RNGTT: variants seen among roughly 807,000 people sequenced by gnomAD.
RNGTT encodes the protein RNA guanylyltransferase and 5'-phosphatase, also known as mRNA-capping enzyme.
Under a neutral mutation model 79.3 loss-of-function variants are expected in RNGTT, and 33 were observed. That is an observed-to-expected ratio of 0.42 (90% CI 0.32 to 0.56). RNGTT has a LOEUF of 0.56. Among genes scored for constraint, RNGTT ranks in the 20% least tolerant of loss-of-function variants. RNGTT has a pLI of 0.17. For synonymous variants in RNGTT, 222 were observed against 235.9 expected (o/e 0.94, Z 0.54); for missense variants, 497 against 739.1 (o/e 0.67, Z 3.80).
chr6:88,700,831 A>C (rs143566092), intron 13 of RNGTT, among the ~76,000 whole-genome samples: 128 of 152,284 alleles, frequency 8.4e-4, no homozygotes, highest in East Asian at 2.9e-3. Flanking sequence ...CTTATTTCAC[A>C]AAGATGTTTT....
chr6:88,672,451 G>A (rs1055413570), intron 14 of RNGTT, among the ~76,000 whole-genome samples: 17 of 152,186 alleles, frequency 1.1e-4, no homozygotes, highest in Admixed American at 4.6e-4. Context: ...AAGTAACTCA[G>A]GAATGGAAAA....
intron 13 of RNGTT, among the ~76,000 whole-genome samples, chr6:88,721,419 G>T (rs1582381033): frequency 6.6e-6 from 1 of 151,192 alleles, no homozygotes; most frequent in Non-Finnish European, 1.5e-5. Context: ...CTAATTTTTT[G>T]TTTGTTTTTG....
intron 14 of RNGTT, among the ~76,000 whole-genome samples, chr6:88,642,685 C>A (rs1161862077): frequency 1.3e-5 from 2 of 152,048 alleles, no homozygotes; most frequent in Non-Finnish European, 2.9e-5. Context: ...GAATTTATGA[C>A]CATGGGCAAG....
chr6:88,940,015 C>G (rs1784796532), intron 2 of RNGTT, among the ~76,000 whole-genome samples: 1 of 151,874 alleles, frequency 6.6e-6, no homozygotes, highest in Non-Finnish European at 1.5e-5. Flanking sequence ...GCCTCAGTCT[C>G]CCAAAGTGCT....
chr6:88,691,640 A>G (rs1210192037), intron 13 of RNGTT, among the ~76,000 whole-genome samples: 1 of 152,208 alleles, frequency 6.6e-6, no homozygotes, highest in Non-Finnish European at 1.5e-5. Flanking sequence ...GATGCTGGCA[A>G]TATTATTTTT....
chr6:88,824,267 A>AT (rs1472730690), intron 11 of RNGTT, among the ~76,000 whole-genome samples: 2 of 152,224 alleles, frequency 1.3e-5, no homozygotes, highest in African/African-American at 4.8e-5. Context: ...TATACAGCCT[A>AT]TTGCTCCTAG....
At chr6:88,755,446 TC>T (rs908071768) in intron 13 of RNGTT, among the ~76,000 whole-genome samples, 2 of 151,722 alleles carry the variant, frequency 1.3e-5, no homozygotes, top group African/African-American at 4.8e-5. Context: ...TAAGAGAAAT[TC>T]ATAAAACAAA....
chr6:88,927,085 G>C (rs1011095294), intron 4 of RNGTT, among the ~76,000 whole-genome samples: 2 of 152,026 alleles, frequency 1.3e-5, no homozygotes, highest in African/African-American at 4.8e-5. Flanking sequence ...ATGAAAAAAA[G>C]TTTTAAAATA....
At chr6:88,898,686 T>TTATA (rs143238215) in intron 6 of RNGTT, among the ~76,000 whole-genome samples, 3 of 150,296 alleles carry the variant, frequency 2.0e-5, no homozygotes, top group African/African-American at 7.3e-5. Context: ...TATATATATA[T>TTATA]TATATATATG....
chr6:88,615,496 G>A (rs1772184256), intron 14 of RNGTT, among the ~76,000 whole-genome samples: 1 of 152,062 alleles, frequency 6.6e-6, no homozygotes, highest in East Asian at 1.9e-4. Context: ...AACTAGACAT[G>A]CCCAAAAAAG....
intron 14 of RNGTT, among the ~76,000 whole-genome samples, chr6:88,615,238 ATATGG>A (rs1307691419): frequency 2.0e-5 from 3 of 152,210 alleles, no homozygotes; most frequent in Non-Finnish European, 1.5e-5. Flanking sequence ...TTTCCTCACA[ATATGG>A]TAGACTGCAA....
At position 88,847,052 on chromosome 6, in the gene RNGTT, A is replaced by G. The variant is rs113120956; in HGVS notation, c.1105-2531T>C. Reference sequence around the variant, plus strand: ...TCCAATCTAAACACATATCCTAACAAATACATTAAAAAATGCCTGTTTTTT... The same window carrying G: ...TCCAATCTAAACACATATCCTAACAGATACATTAAAAAATGCCTGTTTTTT... On this transcript the variant is annotated intron_variant, in intron 10 of 15. Coordinates refer to ENST00000369485, the MANE Select transcript of RNGTT (RefSeq NM_003800.5). Among the ~76,000 whole-genome samples the G allele has an allele frequency of 3.1e-3, 471 of 152,360 alleles. 9 individuals are homozygous for G. Among genetic ancestry groups the G allele is most frequent in the African/African-American group, 0.011 (456 of 41,578 alleles).
intron 14 of RNGTT, among the ~76,000 whole-genome samples, chr6:88,634,059 G>C (rs1261848033): frequency 2.6e-5 from 4 of 152,034 alleles, no homozygotes; most frequent in Non-Finnish European, 5.9e-5. Flanking sequence ...TATCAATATT[G>C]TTTATGATAG....
chr6:88,804,081 T>A (rs1051999403), intron 11 of RNGTT, among the ~76,000 whole-genome samples: 1 of 152,172 alleles, frequency 6.6e-6, no homozygotes, highest in East Asian at 1.9e-4. Context: ...GTACTTAACA[T>A]ATCATTCAAA....
In RNGTT at chr6:88,647,548, C is replaced by T. The variant is rs6924836; in HGVS notation, c.1506+30805G>A. ...CCAGCCTGGGCAACATAGGGAGGTC[C>T]TGTCTCTATAAAAATTAGCTGGGCA... On this transcript the variant is annotated intron_variant, in intron 14 of 15. Transcript: ENST00000369485. 7.7e-3 allele frequency among the ~76,000 whole-genome samples: 1,165 copies of T among 151,588 alleles called. 8 individuals carry two copies. Among genetic ancestry groups the T allele is most frequent in the African/African-American group, 0.026 (1,079 of 41,276 alleles).
intron 12 of RNGTT, among the ~76,000 whole-genome samples, chr6:88,781,427 CTATAA>C (rs539228956): frequency 9.3e-4 from 141 of 152,288 alleles, no homozygotes; most frequent in Non-Finnish European, 1.4e-3. Context: ...CCTGTCCTTA[CTATAA>C]TATTAGTTTT....
intron 11 of RNGTT, among the ~76,000 whole-genome samples, chr6:88,837,078 C>G (rs978654139): frequency 6.6e-6 from 1 of 152,086 alleles, no homozygotes; most frequent in African/African-American, 2.4e-5. Context: ...CCTAAAAAAG[C>G]AGGTAATTCC....
At position 88,925,933 on chromosome 6, in the gene RNGTT, G is replaced by A. The variant is rs994806148; in HGVS notation, c.367+3052C>T. On this transcript the variant is annotated intron_variant, in intron 4 of 15. Coordinates refer to ENST00000369485, the MANE Select transcript of RNGTT (RefSeq NM_003800.5). ...ATTCATCCTTAGACATTTTGATTAC[G>A]TAGGTCCAGGATAGGCCCTAAAACA... is the stretch of plus-strand genomic sequence containing the variant. 5.9e-5 allele frequency among the ~76,000 whole-genome samples: 9 copies of A among 152,070 alleles called. No homozygotes were observed. The South Asian group carries it at 6.2e-4, about 10-fold the overall frequency.
At chr6:88,919,719 T>C (rs1474097751) in intron 4 of RNGTT, among the ~76,000 whole-genome samples, 1 of 146,698 alleles carries the variant, frequency 6.8e-6, no homozygotes, top group Non-Finnish European at 1.5e-5. Flanking sequence ...TTTTTTTTTT[T>C]TTTTTTTTTT....
Sources: gnomAD v4.1 joint callset for allele counts (sites outside exome capture counted in the v4.1 genomes callset) on GRCh38, gnomAD v4.1.1 for gene constraint, MANE v1.5 for transcripts, NCBI Gene and HGNC (gene_info 2026-07-23, HGNC 2026-07-21) for gene names.